KYAT3: variants seen among roughly 807,000 people sequenced by gnomAD.
The protein encoded by KYAT3 is kynurenine--oxoglutarate transaminase 3.
A neutral mutation model predicts 59.0 loss-of-function variants in KYAT3; 50 were observed. The observed-to-expected ratio is 0.85, with a 90% CI of 0.68 to 1.07. KYAT3 has a LOEUF of 1.07. KYAT3 is among the 50% of genes least tolerant of loss of function. The probability of loss-of-function intolerance (pLI) is 0.00; values close to 1 mark genes in which losing one functional copy is unlikely to be tolerated. For synonymous variants in KYAT3, 148 were observed against 177.0 expected (o/e 0.84, Z 1.30); for missense variants, 497 against 533.3 (o/e 0.93, Z 0.67).
intron 5 of KYAT3, among the ~76,000 whole-genome samples, chr1:88,963,797 G>A (rs1676236910): frequency 6.6e-6 from 1 of 152,226 alleles, no homozygotes; most frequent in Admixed American, 6.5e-5. Flanking sequence ...ATTAAAGTAA[G>A]GCTATTGGAA....
At chr1:88,928,480 G>C in the KYAT3 span, among the ~76,000 whole-genome samples, 1 of 152,148 alleles carries the variant, frequency 6.6e-6, no homozygotes, top group Non-Finnish European at 1.5e-5. Flanking sequence ...TGCTAATAGG[G>C]CTTGCTTCCA....
chr1:88,983,749 T>C (rs1346998867), intron 2 of KYAT3: 1 of 1,614,068 alleles, frequency 6.2e-7, no homozygotes, highest in Non-Finnish European at 8.5e-7. Flanking sequence ...TGCCAAATAC[T>C]GTTTCAAGAG....
the KYAT3 span, among the ~76,000 whole-genome samples, chr1:88,921,838 C>A: frequency 2.6e-5 from 4 of 152,290 alleles, no homozygotes; most frequent in Non-Finnish European, 5.9e-5. Context: ...CAGGGGAAGT[C>A]AGCCTTTTGT....
chr1:88,980,480 A>G (rs764921982), intron 2 of KYAT3: 4 of 152,448 alleles, frequency 2.6e-5, no homozygotes, highest in Non-Finnish European at 5.9e-5. Context: ...AAAACATTCC[A>G]AAAAGTGAAA....
intron 2 of KYAT3, among the ~76,000 whole-genome samples, chr1:88,970,258 T>C (rs1183187872): frequency 1.3e-5 from 2 of 152,194 alleles, no homozygotes; most frequent in Non-Finnish European, 2.9e-5. Context: ...CATTATTGAG[T>C]ACTGAGTATG....
Position 88,962,172 on chromosome 1 carries a change from A to G in KYAT3, c.454-27T>C, listed in dbSNP as rs761623640. The G allele has an allele frequency of 1.1e-5, 16 of 1,460,836 alleles. No homozygotes were observed. The African/African-American group carries it at 1.8e-4, about 17-fold the overall frequency. The allele number at this position is 1,460,836 out of a possible 1,614,324, so 90.5% of individuals were successfully genotyped here. ...TGCAATAAAAGCAAATAAGATCACA[A>G]CCTGTCAATCATTTATTCATGTTAA... On this transcript the variant is annotated intron_variant, in intron 5 of 13. Coordinates refer to ENST00000260508, the MANE Select transcript of KYAT3 (RefSeq NM_001008661.3).
downstream of KYAT3, among the ~76,000 whole-genome samples, chr1:88,935,595 G>T (rs1452053145): frequency 6.6e-6 from 1 of 152,168 alleles, no homozygotes; most frequent in Admixed American, 6.5e-5. Flanking sequence ...GCTAATCTAT[G>T]TGGACCTGAA....
intron 2 of KYAT3, among the ~76,000 whole-genome samples, chr1:88,976,809 A>C (rs990415104): frequency 1.3e-5 from 2 of 152,238 alleles, no homozygotes; most frequent in Non-Finnish European, 2.9e-5. Flanking sequence ...TATGTGTCTT[A>C]GTTTTTAACA....
At chr1:88,976,618 A>T (rs1034680965) in intron 2 of KYAT3, among the ~76,000 whole-genome samples, 3 of 152,198 alleles carry the variant, frequency 2.0e-5, no homozygotes, top group African/African-American at 7.2e-5. Flanking sequence ...ATTAAAAAAA[A>T]GTTGACTATA....
intron 2 of KYAT3, among the ~76,000 whole-genome samples, chr1:88,974,984 C>T (rs1167212548): frequency 6.6e-6 from 1 of 152,148 alleles, no homozygotes; most frequent in Non-Finnish European, 1.5e-5. Flanking sequence ...CTGTCCGGGT[C>T]CCCTTCCGTG....
chr1:88,936,239 T>C lies in KYAT3; in HGVS notation c.1309A>G (p.Ser437Gly), dbSNP rs1370237900. 2.5e-6 allele frequency: 4 copies of C among 1,605,396 alleles called. No individual in the cohort carries two copies. In the African/African-American group the frequency reaches 5.3e-5, roughly 21 times the overall value. The stretch of plus-strand genomic sequence containing the variant: ...ATTTCTTCAGCAGCATCCAGTGTGC[T>C]GTCTTTCTGTAAATTAATGAAATAA... The part of the protein sequence containing the change: ...FVRFCFIKKD[S>G]TLDAAEEIIK... Residue 437 changes from serine (S) to glycine (G), a missense_variant, in exon 14 of 14, where the codon AGC (serine) becomes GGC (glycine). Physicochemically the swap from Ser to Gly is moderately conservative, Grantham distance 56. This residue lies in a region of KYAT3 where 28 missense variants were observed against 54.2 expected (regional missense o/e 0.52). Transcript: ENST00000260508.
At chr1:88,931,233 A>C (rs1381293780), downstream of KYAT3, among the ~76,000 whole-genome samples, 1 of 152,232 alleles carries the variant, frequency 6.6e-6, no homozygotes, top group Non-Finnish European at 1.5e-5. Context: ...GGGCCTGTGA[A>C]GTGTGGCAAA....
chr1:88,970,030 T>C (rs987366825), intron 2 of KYAT3, among the ~76,000 whole-genome samples: 16 of 152,168 alleles, frequency 1.1e-4, no homozygotes, highest in African/African-American at 3.9e-4. Context: ...CATCCTACCC[T>C]AGAAAGCTAA....
downstream of KYAT3, among the ~76,000 whole-genome samples, chr1:88,931,395 G>A (rs908749685): frequency 1.3e-5 from 2 of 152,116 alleles, no homozygotes; most frequent in Non-Finnish European, 2.9e-5. Flanking sequence ...GATCTACTGC[G>A]GACCCCTGGA....
chr1:88,980,763 T>C (rs146970649), intron 2 of KYAT3: 22 of 152,300 alleles, frequency 1.4e-4, no homozygotes, highest in African/African-American at 5.1e-4. Context: ...TAGGATATCT[T>C]AAGAGCCAAA....
At chr1:88,960,805 A>G (rs994122353) in intron 8 of KYAT3, among the ~76,000 whole-genome samples, 3 of 152,154 alleles carry the variant, frequency 2.0e-5, no homozygotes, top group African/African-American at 7.2e-5. Context: ...TTGACTTGGC[A>G]TTTTGGTAAG....
chr1:88,952,293 C>T (rs1313802239), intron 10 of KYAT3, among the ~76,000 whole-genome samples: 4 of 152,136 alleles, frequency 2.6e-5, no homozygotes, highest in South Asian at 2.1e-4. Flanking sequence ...CAGGTAAGTA[C>T]GTAACTTCTT....
At chr1:88,926,638 C>T in the KYAT3 span, among the ~76,000 whole-genome samples, 3 of 152,158 alleles carry the variant, frequency 2.0e-5, no homozygotes, top group African/African-American at 7.2e-5. Flanking sequence ...TGGTTCCTCC[C>T]AGGAGACTGA....
At chr1:88,968,590 GA>G in intron 4 of KYAT3, 79 bp downstream of exon 4, 1 of 1,138,354 alleles carries the variant, frequency 8.8e-7, no homozygotes. Flanking sequence ...ATGAATGACA[GA>G]AGGGCACATG....
Sources: gnomAD v4.1 joint callset for allele counts (sites outside exome capture counted in the v4.1 genomes callset) on GRCh38, gnomAD v4.1.1 for gene constraint, gnomAD v4.1.1 regional missense constraint, MANE v1.5 for transcripts, NCBI Gene and HGNC (gene_info 2026-07-23, HGNC 2026-07-21) for gene names.